EVC2: variants seen among roughly 807,000 people sequenced by gnomAD.
EVC2 encodes the protein EvC ciliary complex subunit 2.
In EVC2, 148 loss-of-function variants were observed where a neutral mutation model predicts 149.3. That is an observed-to-expected ratio of 0.99 (90% confidence interval 0.87 to 1.14). The LOEUF (loss-of-function observed/expected upper bound fraction) is 1.14, where lower values mean the gene tolerates loss of function less well. Ranked by LOEUF, EVC2 falls within the 50% of genes most tolerant of loss-of-function variation. The pLI, the probability that EVC2 is intolerant of heterozygous loss-of-function variation, is 0.00. For missense variants in EVC2, 1,854 were observed against 1,627.3 expected, an observed-to-expected ratio of 1.14 and a Z score of -2.40; for synonymous variants, 776 against 649.9, an observed-to-expected ratio of 1.19 and a Z score of -2.95.
At chr4:5,543,073 T>G (rs1182676686) in exon 22 of EVC2, 3 of 1,166,652 alleles carry the variant, frequency 2.6e-6, no homozygotes, top group Admixed American at 2.3e-5. Context: ...CTCCAACGAT[T>G]GCACTGCTCA....
intron 19 of EVC2, among the ~76,000 whole-genome samples, chr4:5,570,844 G>A (rs1335851332): frequency 6.6e-6 from 1 of 152,134 alleles, no homozygotes; most frequent in African/African-American, 2.4e-5. Context: ...GGCCTTTGCA[G>A]CAACTTGGAT....
At chr4:5,535,149 A>T in the EVC2 span, among the ~76,000 whole-genome samples, 1 of 152,136 alleles carries the variant, frequency 6.6e-6, no homozygotes, top group South Asian at 2.1e-4. This position sits in a 1 kb window ranked among gnomAD's most constrained non-coding sequence, Gnocchi z 4.7. Context: ...GGTCACCTGC[A>T]GTGAGGACCG....
At chr4:5,705,207 T>A (rs1454938345) in intron 1 of EVC2, among the ~76,000 whole-genome samples, 1 of 152,168 alleles carries the variant, frequency 6.6e-6, no homozygotes, top group Non-Finnish European at 1.5e-5. Flanking sequence ...AATAACGAAA[T>A]GATACTATTA....
At chr4:5,578,505 G>T (rs574052350) in intron 17 of EVC2, among the ~76,000 whole-genome samples, 1 of 152,190 alleles carries the variant, frequency 6.6e-6, no homozygotes, top group Non-Finnish European at 1.5e-5. Context: ...TCACAGAGCT[G>T]GGCAAGAGGC....
chr4:5,597,573 T>C (rs1713558230), intron 16 of EVC2, among the ~76,000 whole-genome samples: 1 of 150,964 alleles, frequency 6.6e-6, no homozygotes. Flanking sequence ...TATCTCAAAA[T>C]AATAAGAGCT....
upstream of EVC2, chr4:5,708,585 G>T: frequency 2.6e-6 from 3 of 1,135,810 alleles, no homozygotes; most frequent in South Asian, 2.0e-5. Context: ...CCCCAGGCCC[G>T]CCCCGCCGCC....
At chr4:5,681,172 T>A in intron 7 of EVC2, 88 bp downstream of exon 7, 1 of 1,478,538 alleles carries the variant, frequency 6.8e-7, no homozygotes, top group South Asian at 1.1e-5. Flanking sequence ...GGCCAGCAGC[T>A]GGCCGCTCCC....
intron 9 of EVC2, among the ~76,000 whole-genome samples, chr4:5,644,984 C>G (rs567540494): frequency 7.2e-5 from 11 of 152,204 alleles, no homozygotes; most frequent in Non-Finnish European, 1.5e-4. Flanking sequence ...CTGTGATAAA[C>G]ATGAGAATGC....
At chr4:5,543,439 G>C (rs1050794292) in intron 21 of EVC2, among the ~76,000 whole-genome samples, 1 of 152,234 alleles carries the variant, frequency 6.6e-6, no homozygotes, top group African/African-American at 2.4e-5. Context: ...AACGGCAAGA[G>C]GCTAGCCTGC....
At chr4:5,656,975 G>T (rs1284928019) in intron 9 of EVC2, among the ~76,000 whole-genome samples, 1 of 152,160 alleles carries the variant, frequency 6.6e-6, no homozygotes, top group Admixed American at 6.5e-5. Flanking sequence ...AAGGCAAGTG[G>T]AGTCACCAAC....
intron 20 of EVC2, among the ~76,000 whole-genome samples, 183 bp from the exon 21 acceptor site, chr4:5,565,542 G>T (rs1722224748): frequency 6.6e-6 from 1 of 151,844 alleles, no homozygotes; most frequent in African/African-American, 2.4e-5. Flanking sequence ...CGTGGTAGTG[G>T]GCACCTGTAA....
At chr4:5,537,705 A>G in the EVC2 span, among the ~76,000 whole-genome samples, 1 of 152,222 alleles carries the variant, frequency 6.6e-6, no homozygotes, top group Non-Finnish European at 1.5e-5. Context: ...AGAAGCAGGA[A>G]ATGTGGTGCA....
the EVC2 span, among the ~76,000 whole-genome samples, chr4:5,535,667 A>C: frequency 1.2e-4 from 17 of 147,008 alleles, no homozygotes; most frequent in Non-Finnish European, 4.5e-5. The surrounding 1 kb of genome is among the most constrained non-coding windows in gnomAD (Gnocchi z 4.7). Flanking sequence ...CTCTTTCTTT[A>C]AGGGCACTAA....
rs76139256 is a variant in EVC2, at chr4:5,663,340, C to G, written c.1006-94G>C. On this transcript the variant is annotated intron_variant, in intron 8 of 21. Transcript: ENST00000344408. ...GGAGGGAAGGCCAGGGGTCTGCAGT[C>G]TGAGCACCCAATCAGCCCCACCACT... 2,887 of 1,560,212 alleles carry G rather than the reference C, an allele frequency of 1.9e-3. 58 individuals are homozygous for G. The African/African-American group carries it at 0.035, about 19-fold the overall frequency.
intron 8 of EVC2, among the ~76,000 whole-genome samples, chr4:5,664,236 C>T (rs1403774589): frequency 6.6e-6 from 1 of 152,076 alleles, no homozygotes; most frequent in Non-Finnish European, 1.5e-5. Flanking sequence ...TCAGAAGAGC[C>T]CGGTTGATTT....
chr4:5,623,278 G>C (rs549573456), intron 13 of EVC2, among the ~76,000 whole-genome samples: 1 of 151,938 alleles, frequency 6.6e-6, no homozygotes, highest in Admixed American at 6.6e-5. Context: ...CTGCAATTAC[G>C]GGCACGTGCG....
chr4:5,665,791 G>A, intron 7 of EVC2, 142 bp from the exon 8 acceptor site: 1 of 1,359,650 alleles, frequency 7.4e-7, no homozygotes, highest in African/African-American at 1.4e-5. Flanking sequence ...CCAGCTACCA[G>A]CTGGCTGCCT....
chr4:5,707,135 G>A (rs966668493), intron 1 of EVC2, among the ~76,000 whole-genome samples: 5 of 152,164 alleles, frequency 3.3e-5, no homozygotes, highest in African/African-American at 9.7e-5. Context: ...GCGGCTCCCT[G>A]AGCCTTGGTT....
chr4:5,627,155 ATCCCTGGGCTGAG>A (rs967304806), intron 12 of EVC2, among the ~76,000 whole-genome samples: 1 of 152,192 alleles, frequency 6.6e-6, no homozygotes, highest in African/African-American at 2.4e-5. Flanking sequence ...GACTGCCTGC[ATCCCTGGGCTGAG>A]TCCCCAGCTT....
Sources: allele counts gnomAD v4.1 joint callset (sites outside exome capture counted in the v4.1 genomes callset), GRCh38; gene constraint gnomAD v4.1.1; non-coding constraint Gnocchi (gnomAD v3.1); transcripts MANE v1.5; gene names NCBI Gene and HGNC (gene_info 2026-07-23, HGNC 2026-07-21).